NBEA: variants seen among roughly 807,000 people sequenced by gnomAD.
NBEA encodes lysosomal-trafficking regulator 2.
NBEA carries 44 observed loss-of-function variants against 343.4 expected under a neutral mutation model. The ratio of observed to expected loss-of-function variants is 0.13; its 90% CI spans 0.10 to 0.16. NBEA has a LOEUF of 0.16. NBEA is among the 10% of genes least tolerant of loss of function. The pLI is 1.00. For missense variants in NBEA, 2,555 were observed against 3,631.3 expected (o/e 0.70, Z 7.62); for synonymous variants, 1,175 against 1,238.7 (o/e 0.95, Z 1.08).
chr13:35,038,259 G>A (rs1016956128), intron 1 of NBEA, among the ~76,000 whole-genome samples: 3 of 151,720 alleles, frequency 2.0e-5, no homozygotes, highest in Non-Finnish European at 4.4e-5. Flanking sequence ...TCAACCATCA[G>A]GGCAGTAGGT....
chr13:35,225,565 T>C (rs1593828032), intron 33 of NBEA, among the ~76,000 whole-genome samples: 1 of 152,294 alleles, frequency 6.6e-6, no homozygotes, highest in East Asian at 1.9e-4. Flanking sequence ...TTCTCCTGAA[T>C]ACTGGTTAGG....
chr13:35,494,242 G>C (rs2076597027), intron 41 of NBEA, among the ~76,000 whole-genome samples: 1 of 151,942 alleles, frequency 6.6e-6, no homozygotes, highest in South Asian at 2.1e-4. Flanking sequence ...TACAGAGACA[G>C]TGAGATATGT....
intron 36 of NBEA, among the ~76,000 whole-genome samples, chr13:35,315,874 T>C (rs117503545): frequency 0.035 from 5,352 of 152,202 alleles, 140 homozygotes; most frequent in Non-Finnish European, 0.054. Flanking sequence ...TTGGTTTGCT[T>C]GAGTTTATTT....
chr13:35,124,713 T>C (rs1408210867), intron 17 of NBEA, among the ~76,000 whole-genome samples: 1 of 151,434 alleles, frequency 6.6e-6, no homozygotes, highest in Non-Finnish European at 1.5e-5. Context: ...CATATATGTA[T>C]GGATATATAT....
At chr13:35,367,558 T>G (rs1033810177) in intron 38 of NBEA, among the ~76,000 whole-genome samples, 7 of 151,292 alleles carry the variant, frequency 4.6e-5, no homozygotes, top group East Asian at 1.9e-4. Flanking sequence ...GTTGTTGTTT[T>G]TTTTTTTTCC....
intron 17 of NBEA, among the ~76,000 whole-genome samples, chr13:35,139,963 G>A (rs1319250278): frequency 6.6e-6 from 1 of 152,024 alleles, no homozygotes; most frequent in Non-Finnish European, 1.5e-5. Flanking sequence ...TTCTTCGGTA[G>A]CTGAAGTAGT....
intron 35 of NBEA, among the ~76,000 whole-genome samples, chr13:35,298,217 A>ATATATATATATG (rs2036283090): frequency 6.0e-5 from 1 of 16,798 alleles, no homozygotes; most frequent in African/African-American, 1.6e-4. Flanking sequence ...GTGTGTATAT[A>ATATATATATATG]TATATATATA....
intron 38 of NBEA, among the ~76,000 whole-genome samples, chr13:35,389,606 G>C (rs1284921731): frequency 6.6e-6 from 1 of 152,048 alleles, no homozygotes; most frequent in Non-Finnish European, 1.5e-5. Flanking sequence ...ATAGCTGAAT[G>C]CTTCAAAGGT....
intron 28 of NBEA, among the ~76,000 whole-genome samples, chr13:35,178,566 C>T (rs537769912): frequency 1.7e-4 from 26 of 151,584 alleles, no homozygotes; most frequent in Non-Finnish European, 3.8e-4. Flanking sequence ...TATGTACATA[C>T]ATACGTGCAT....
intron 1 of NBEA, among the ~76,000 whole-genome samples, chr13:35,026,760 A>G (rs1048304896): frequency 1.4e-4 from 22 of 152,154 alleles, no homozygotes; most frequent in African/African-American, 4.6e-4. Context: ...AAAGAAACAC[A>G]TAAAATTAAC....
At chr13:35,146,497 A>G (rs1432334195) in intron 18 of NBEA, among the ~76,000 whole-genome samples, 11 of 152,100 alleles carry the variant, frequency 7.2e-5, no homozygotes, top group Non-Finnish European at 8.8e-5. Context: ...CCTCAGTTAT[A>G]ACCATTATGG....
chr13:35,249,568 G>T (rs1467327905), intron 34 of NBEA, among the ~76,000 whole-genome samples: 1 of 152,132 alleles, frequency 6.6e-6, no homozygotes, highest in Non-Finnish European at 1.5e-5. Flanking sequence ...CAAAAAAACA[G>T]AAAATAATAA....
At chr13:35,572,377 C>A (rs1248387629) in intron 45 of NBEA, among the ~76,000 whole-genome samples, 1 of 152,158 alleles carries the variant, frequency 6.6e-6, no homozygotes, top group African/African-American at 2.4e-5. Flanking sequence ...AGTTTCATCA[C>A]AAAACCAAGT....
intron 33 of NBEA, 77 bp from the exon 34 acceptor site, chr13:35,232,415 T>C (rs929723224): frequency 9.8e-7 from 1 of 1,023,732 alleles, no homozygotes; most frequent in African/African-American, 1.6e-5. Context: ...TTTTAAATAT[T>C]TTAATTTAGA....
At chr13:35,272,754 CAAAG>C (rs1365061551) in intron 34 of NBEA, among the ~76,000 whole-genome samples, 4 of 152,028 alleles carry the variant, frequency 2.6e-5, no homozygotes, top group South Asian at 2.1e-4. Flanking sequence ...TCAAAAGAAA[CAAAG>C]AAGGCCATTA....
rs747936773 is a variant in NBEA at position 35,056,096 on chromosome 13, T to C, written c.1059T>C (p.Tyr353=). ...ATGTTAATGGACAACTGGTATCTTA[T>C]GGTGATATGGCTTGGCATGTTAACA... ...RCYVNGQLVS[Y]GDMAWHVNTN... Residue 353 remains tyrosine, a synonymous_variant, in exon 7 of 59, where the codon TAT becomes TAC. Coordinates refer to ENST00000379939, the MANE Select transcript of NBEA (RefSeq NM_001385012.1). 3.1e-6 allele frequency: 5 copies of C among 1,604,978 alleles called. No individual in the cohort carries two copies. In the East Asian group the frequency reaches 6.7e-5, roughly 22 times the overall value.
intron 44 of NBEA, among the ~76,000 whole-genome samples, chr13:35,557,403 G>A (rs1449040835): frequency 6.6e-6 from 1 of 152,082 alleles, no homozygotes; most frequent in Non-Finnish European, 1.5e-5. Flanking sequence ...ACATTGTCAT[G>A]CCTTCTAAAA....
At chr13:35,567,866 A>C (rs2080209916) in intron 45 of NBEA, among the ~76,000 whole-genome samples, 1 of 152,192 alleles carries the variant, frequency 6.6e-6, no homozygotes, top group African/African-American at 2.4e-5. Context: ...ATTACAGCTG[A>C]TTTAAAATTA....
At chr13:35,606,685 T>C in intron 48 of NBEA, 107 bp downstream of exon 48, 1 of 850,864 alleles carries the variant, frequency 1.2e-6, no homozygotes, top group East Asian at 3.2e-5. Context: ...ATACTTAACA[T>C]CTATAAATAC....
Sources: allele counts gnomAD v4.1 joint callset (sites outside exome capture counted in the v4.1 genomes callset), GRCh38; gene constraint gnomAD v4.1.1; transcripts MANE v1.5; gene names NCBI Gene and HGNC (gene_info 2026-07-23, HGNC 2026-07-21).